The following INPP5D variants were observed in gnomAD, a reference collection of about 807,000 sequenced individuals.
The protein encoded by INPP5D is phosphatidylinositol 3,4,5-trisphosphate 5-phosphatase 1.
Under a neutral mutation model 122.9 loss-of-function variants are expected in INPP5D, and 33 were observed. That is an observed-to-expected ratio of 0.27 (90% CI 0.20 to 0.36). The LOEUF (loss-of-function observed/expected upper bound fraction) is 0.36, where lower values mean the gene tolerates loss of function less well. Ranked by LOEUF, INPP5D falls within the 10% of genes least tolerant of loss-of-function variation. The pLI, the probability that INPP5D is intolerant of heterozygous loss-of-function variation, is 1.00. For missense variants in INPP5D, 1,053 were observed against 1,412.7 expected, an observed-to-expected ratio of 0.75 and a Z score of 4.08; for synonymous variants, 584 against 576.2, an observed-to-expected ratio of 1.01 and a Z score of -0.19.
intron 20 of INPP5D, among the ~76,000 whole-genome samples, chr2:233,184,817 C>G (rs901929792): frequency 2.6e-5 from 4 of 152,164 alleles, no homozygotes; most frequent in Non-Finnish European, 5.9e-5. Flanking sequence ...CTGTGACCCA[C>G]TCTAGGTTCC....
At chr2:233,133,913 T>A (rs1029077511) in intron 5 of INPP5D, 2 of 454,454 alleles carry the variant, frequency 4.4e-6, no homozygotes, top group Non-Finnish European at 8.9e-6. Flanking sequence ...GAGTCCCCGG[T>A]TATACACAGG....
chr2:233,106,275 A>AC (rs1456167749), intron 2 of INPP5D, among the ~76,000 whole-genome samples: 1 of 152,140 alleles, frequency 6.6e-6, no homozygotes, highest in Admixed American at 6.5e-5. Flanking sequence ...ACTCAGCTGA[A>AC]CCAGGCTGGA....
rs1265476897 is a variant in INPP5D at position 233,204,653 on chromosome 2, C to CGCA, written c.3504_3506dup (p.Pro1168_His1169insGln). ...GACTACCGCGACAACACCGAGCTCC[C>CGCA]GCATCACGGCAAGCACCGGCCGGAG... On this transcript the variant is annotated inframe_insertion, in exon 26 of 27. Transcript: ENST00000445964. 6.3e-7 allele frequency: 1 copy of CGCA among 1,583,218 alleles called. No homozygotes were observed. Among genetic ancestry groups the CGCA allele is most frequent in the Non-Finnish European group, 8.6e-7 (1 of 1,165,902 alleles).
intron 25 of INPP5D, among the ~76,000 whole-genome samples, chr2:233,199,074 A>T (rs1299915839): frequency 6.6e-6 from 1 of 151,910 alleles, no homozygotes; most frequent in Non-Finnish European, 1.5e-5. Context: ...ACGTGGTGAA[A>T]CCCCGTCTCT....
At chr2:233,133,279 G>A (rs747491975) in intron 5 of INPP5D, among the ~76,000 whole-genome samples, 1 of 152,156 alleles carries the variant, frequency 6.6e-6, no homozygotes, top group African/African-American at 2.4e-5. Context: ...ACACGATGAT[G>A]TGAGGAAGAG....
intron 1 of INPP5D, among the ~76,000 whole-genome samples, chr2:233,079,077 C>T (rs7601830): frequency 0.029 from 4,471 of 152,124 alleles, 174 homozygotes; most frequent in African/African-American, 0.09. Flanking sequence ...CTTTAGCTGC[C>T]GGGTCCCCAC....
chr2:233,124,790 G>A (rs1342977641), intron 3 of INPP5D, among the ~76,000 whole-genome samples: 2 of 152,266 alleles, frequency 1.3e-5, no homozygotes, highest in East Asian at 1.9e-4. Context: ...AAGAACCTCA[G>A]TCTCATGACT....
Position 233,082,669 on chromosome 2 carries a change from G to A in INPP5D, c.198+3271G>A, listed in dbSNP as rs1691720824. 6.6e-6 allele frequency among the ~76,000 whole-genome samples: 1 copy of A among 152,164 alleles called. No homozygotes were observed. The highest frequency in any genetic ancestry group is 2.4e-5 in the African/African-American group (1 of 41,446). The stretch of plus-strand genomic sequence containing the variant: ...ACGTGTCATAGCCCATGACAGCCCT[G>A]TATCAATCAGGGAGAGGAGCTGCCT... On this transcript the variant is annotated intron_variant, in intron 2 of 26. Coordinates refer to ENST00000445964, the MANE Select transcript of INPP5D (RefSeq NM_001017915.3). The surrounding 1 kb of genome is among the most constrained non-coding windows in gnomAD (Gnocchi z 4.7).
intron 9 of INPP5D, among the ~76,000 whole-genome samples, chr2:233,157,673 C>T (rs1254160747): frequency 6.8e-6 from 1 of 147,590 alleles, no homozygotes; most frequent in African/African-American, 2.5e-5. Flanking sequence ...ATTTCAACCT[C>T]ATCTTCCATA....
intron 17 of INPP5D, among the ~76,000 whole-genome samples, chr2:233,172,591 T>C (rs111946010): frequency 0.035 from 5,225 of 151,394 alleles, 156 homozygotes; most frequent in East Asian, 0.12. Context: ...GGGAAAAAAA[T>C]AGAACTTGTT....
intron 18 of INPP5D, among the ~76,000 whole-genome samples, chr2:233,181,386 C>T (rs72972255): frequency 0.061 from 9,232 of 152,110 alleles, 352 homozygotes; most frequent in East Asian, 0.18. Flanking sequence ...TTTTCCTTTG[C>T]CCGCCCATTC....
chr2:233,096,247 C>T (rs1240298204), intron 2 of INPP5D, among the ~76,000 whole-genome samples: 1 of 152,212 alleles, frequency 6.6e-6, no homozygotes, highest in Non-Finnish European at 1.5e-5. Flanking sequence ...TCTTGGTCCT[C>T]ATGATGCTCA....
chr2:233,172,431 G>A (rs935374301), intron 17 of INPP5D, among the ~76,000 whole-genome samples: 1 of 152,264 alleles, frequency 6.6e-6, no homozygotes, highest in Admixed American at 6.5e-5. Flanking sequence ...TCGGTGAGGA[G>A]GCCGTTGTGC....
At chr2:233,117,754 C>T (rs1692845587) in intron 2 of INPP5D, among the ~76,000 whole-genome samples, 2 of 152,338 alleles carry the variant, frequency 1.3e-5, no homozygotes, top group South Asian at 2.1e-4. Context: ...GCACATGACA[C>T]CTTGTTCACA....
rs79450937 is a variant in INPP5D at position 233,202,393 on chromosome 2, T to A, written c.2976-1733T>A. Among the ~76,000 whole-genome samples the A allele has an allele frequency of 3.9e-3, 594 of 152,286 alleles. 1 individual carries two copies. The highest frequency in any genetic ancestry group is 0.014 in the African/African-American group (569 of 41,556). ...CCAGCATTTCTATGTATGCACCTGCTCTAAGGTGTTTCCAAAAATTAATGG... is the reference window on the plus strand; with the variant it reads ...CCAGCATTTCTATGTATGCACCTGCACTAAGGTGTTTCCAAAAATTAATGG... On this transcript the variant is annotated intron_variant, in intron 25 of 26. Coordinates refer to ENST00000445964, the MANE Select transcript of INPP5D (RefSeq NM_001017915.3).
In INPP5D at chr2:233,174,962, C is replaced by T. The variant is rs536465507; in HGVS notation, c.1990-2303C>T. Among the ~76,000 whole-genome samples the T allele has an allele frequency of 3.3e-5, 5 of 152,082 alleles. No individual in the cohort carries two copies. The South Asian group carries it at 1.0e-3, about 32-fold the overall frequency. ...GAATGTTTAGCCGGGCATGGTGGCTCACGCCTATAATCCCAGAGCTTTGGG... is the reference window on the plus strand; with the variant it reads ...GAATGTTTAGCCGGGCATGGTGGCTTACGCCTATAATCCCAGAGCTTTGGG... On this transcript the variant is annotated intron_variant, in intron 17 of 26. Transcript: ENST00000445964.
intron 5 of INPP5D, among the ~76,000 whole-genome samples, chr2:233,139,276 G>A (rs920570742): frequency 3.3e-5 from 5 of 152,128 alleles, no homozygotes; most frequent in South Asian, 2.1e-4. Flanking sequence ...AACAAAGAGC[G>A]CATAAAGCCC....
In INPP5D at chr2:233,177,343, T is replaced by C; in HGVS notation, c.2068T>C (p.Tyr690His). The C allele has an allele frequency of 6.2e-7, 1 of 1,613,834 alleles. No homozygotes were observed. The highest frequency in any genetic ancestry group is 8.5e-7 in the Non-Finnish European group (1 of 1,179,814). The change falls in exon 18 of 27, where the codon TAT becomes CAT. Residue 690 changes from tyrosine (Y) to histidine (H), a missense_variant. Coordinates refer to ENST00000445964, the MANE Select transcript of INPP5D (RefSeq NM_001017915.3). The surrounding 1 kb of genome is among the most constrained non-coding windows in gnomAD (Gnocchi z 4.2). Reference sequence around the variant, plus strand: ...CCTGGTGCACGTGGTGTGTCAGTCTTATGGTGAGTTCAAACACTGGGGAAA... The same window carrying C: ...CCTGGTGCACGTGGTGTGTCAGTCTCATGGTGAGTTCAAACACTGGGGAAA... ...YPLVHVVCQS[Y>H]GSTSDIMTSD...
At chr2:233,071,551 C>G (rs147141729) in intron 1 of INPP5D, among the ~76,000 whole-genome samples, 1 of 152,076 alleles carries the variant, frequency 6.6e-6, no homozygotes, top group African/African-American at 2.4e-5. Flanking sequence ...GGTGAACCAG[C>G]TAATAATATT....
Sources: gnomAD v4.1 joint callset for allele counts (sites outside exome capture counted in the v4.1 genomes callset) on GRCh38, gnomAD v4.1.1 for gene constraint, Gnocchi (gnomAD v3.1) non-coding constraint, MANE v1.5 for transcripts, NCBI Gene and HGNC (gene_info 2026-07-23, HGNC 2026-07-21) for gene names.